Variants in MECOM observed in about 807,000 individuals in gnomAD.
MECOM encodes MDS1 and EVI1 complex locus, also known as histone-lysine N-methyltransferase MECOM.
Under a neutral mutation model 116.3 loss-of-function variants are expected in MECOM, and 13 were observed. That is an observed-to-expected ratio of 0.11 (90% CI 0.07 to 0.18). The LOEUF is 0.18. MECOM is among the 10% of genes least tolerant of loss of function. The pLI, the probability that MECOM is intolerant of heterozygous loss-of-function variation, is 1.00. For missense variants in MECOM, 1,299 were observed against 1,509.0 expected, an observed-to-expected ratio of 0.86 and a Z score of 2.31; for synonymous variants, 528 against 535.2, an observed-to-expected ratio of 0.99 and a Z score of 0.19.
intron 5 of MECOM, among the ~76,000 whole-genome samples, chr3:169,123,628 C>T (rs1161272129): frequency 2.0e-5 from 3 of 152,012 alleles, no homozygotes; most frequent in Non-Finnish European, 1.5e-5. Context: ...ACATAACACA[C>T]TGGGATACTA....
chr3:169,354,792 C>G (rs570461758), intron 2 of MECOM, among the ~76,000 whole-genome samples: 16 of 151,932 alleles, frequency 1.1e-4, no homozygotes, highest in Admixed American at 7.2e-4. Flanking sequence ...TTTTTCCCCC[C>G]CTTCCTGAGC....
intron 1 of MECOM, among the ~76,000 whole-genome samples, chr3:169,587,321 A>G (rs1765882351): frequency 6.6e-6 from 1 of 152,116 alleles, no homozygotes; most frequent in African/African-American, 2.4e-5. Flanking sequence ...TCTTTCCTAA[A>G]ACAATGAGTT....
chr3:169,458,116 G>A (rs1746821007), intron 1 of MECOM, among the ~76,000 whole-genome samples: 1 of 152,174 alleles, frequency 6.6e-6, no homozygotes, highest in Non-Finnish European at 1.5e-5. Context: ...AGGATAAATT[G>A]CCATGTGCTA....
At chr3:169,270,621 C>T (rs1310056579) in intron 2 of MECOM, among the ~76,000 whole-genome samples, 1 of 151,994 alleles carries the variant, frequency 6.6e-6, no homozygotes, top group Admixed American at 6.6e-5. Flanking sequence ...AATTCTACTG[C>T]TGGAAATTTA....
intron 2 of MECOM, among the ~76,000 whole-genome samples, chr3:169,375,699 C>G (rs948230534): frequency 6.6e-5 from 10 of 151,944 alleles, no homozygotes; most frequent in Non-Finnish European, 1.5e-5. Context: ...AGTCTACCAA[C>G]CAAAAAAAGC....
chr3:169,642,418 G>A (rs1773607177), intron 1 of MECOM, among the ~76,000 whole-genome samples: 1 of 145,498 alleles, frequency 6.9e-6, no homozygotes, highest in African/African-American at 2.6e-5. Context: ...CTGCCCTCCA[G>A]CCCGGGCAAC....
intron 1 of MECOM, among the ~76,000 whole-genome samples, chr3:169,540,220 G>T (rs938386732): frequency 2.6e-5 from 4 of 152,100 alleles, no homozygotes; most frequent in African/African-American, 9.7e-5. Flanking sequence ...CTCTTCTGCT[G>T]TTACCTCTCA....
intron 1 of MECOM, among the ~76,000 whole-genome samples, chr3:169,417,422 C>T (rs1224019077): frequency 1.3e-5 from 2 of 152,184 alleles, no homozygotes; most frequent in African/African-American, 4.8e-5. Flanking sequence ...CATTTCACAC[C>T]ACTTAGAATG....
At chr3:169,528,189 A>T (rs1758180138) in intron 1 of MECOM, among the ~76,000 whole-genome samples, 3 of 152,208 alleles carry the variant, frequency 2.0e-5, no homozygotes, top group African/African-American at 7.2e-5. Flanking sequence ...TTGAGTTGTA[A>T]ATCAGAATCA....
At chr3:169,194,693 C>A (rs537577270) in intron 2 of MECOM, among the ~76,000 whole-genome samples, 2 of 152,052 alleles carry the variant, frequency 1.3e-5, no homozygotes, top group African/African-American at 4.8e-5. Context: ...TGAGTGTTAC[C>A]GCTGAAATCA....
At position 169,197,384 on chromosome 3, in the gene MECOM, G is replaced by T. The variant is rs181121553; in HGVS notation, c.376-53552C>A. Reference sequence around the variant, plus strand: ...AAAATAAAACAAGTGCAGTGTGTGCGGACTATGATAAATGAATAAAGTCTC... The same window carrying T: ...AAAATAAAACAAGTGCAGTGTGTGCTGACTATGATAAATGAATAAAGTCTC... On this transcript the variant is annotated intron_variant, in intron 2 of 16. Transcript: ENST00000651503. 2.0e-4 allele frequency among the ~76,000 whole-genome samples: 30 copies of T among 151,402 alleles called. 1 individual carries two copies. The highest frequency in any genetic ancestry group is 7.0e-4 in the African/African-American group (29 of 41,238).
At chr3:169,444,928 G>A (rs1472264538) in intron 1 of MECOM, among the ~76,000 whole-genome samples, 8 of 152,152 alleles carry the variant, frequency 5.3e-5, no homozygotes, top group Admixed American at 5.2e-4. Context: ...AGAGACTGGA[G>A]GCATTTTGCC....
chr3:169,185,583 C>T (rs2149406803), intron 2 of MECOM, among the ~76,000 whole-genome samples: 1 of 152,268 alleles, frequency 6.6e-6, no homozygotes, highest in South Asian at 2.1e-4. Flanking sequence ...TAGTGTCCTG[C>T]AGATATGGTA....
intron 1 of MECOM, among the ~76,000 whole-genome samples, chr3:169,586,770 G>A (rs1046318857): frequency 2.2e-4 from 34 of 152,180 alleles, no homozygotes; most frequent in African/African-American, 8.0e-4. Context: ...CCAAAGCTCA[G>A]TCTGACCAGA....
At chr3:169,589,010 A>C (rs1766088894) in intron 1 of MECOM, among the ~76,000 whole-genome samples, 1 of 152,184 alleles carries the variant, frequency 6.6e-6, no homozygotes, top group Non-Finnish European at 1.5e-5. Flanking sequence ...AGGGCTGGGA[A>C]GTATGACTAT....
At chr3:169,479,731 C>A (rs1751011636) in intron 1 of MECOM, among the ~76,000 whole-genome samples, 1 of 150,592 alleles carries the variant, frequency 6.6e-6, no homozygotes, top group Non-Finnish European at 1.5e-5. Flanking sequence ...GGTGATATAA[C>A]CACTAAAACT....
chr3:169,470,817 TA>T (rs538722219), intron 1 of MECOM, among the ~76,000 whole-genome samples: 1,806 of 151,414 alleles, frequency 0.012, 15 homozygotes, highest in Middle Eastern at 0.058. Flanking sequence ...TACTACAGGT[TA>T]AAAAAAAATG....
chr3:169,311,066 T>C lies in MECOM; in HGVS notation c.375+70121A>G, dbSNP rs543845776. On this transcript the variant is annotated intron_variant, in intron 2 of 16. Transcript: ENST00000651503. ...TTTTGCTAACCATGGCTGTGGCAGTTATATCATGCTCTAATGCTGTTCTTC... is the reference window on the plus strand; with the variant it reads ...TTTTGCTAACCATGGCTGTGGCAGTCATATCATGCTCTAATGCTGTTCTTC... 1.3e-4 allele frequency among the ~76,000 whole-genome samples: 20 copies of C among 152,328 alleles called. No individual in the cohort carries two copies. In the South Asian group the frequency reaches 3.7e-3, roughly 28 times the overall value.
intron 1 of MECOM, among the ~76,000 whole-genome samples, chr3:169,422,432 A>G (rs1016770776): frequency 6.6e-6 from 1 of 152,164 alleles, no homozygotes. Flanking sequence ...TGTTATTCAT[A>G]TAATACAGCA....
Sources: gnomAD v4.1 joint callset for allele counts (sites outside exome capture counted in the v4.1 genomes callset) on GRCh38, gnomAD v4.1.1 for gene constraint, MANE v1.5 for transcripts, NCBI Gene and HGNC (gene_info 2026-07-23, HGNC 2026-07-21) for gene names.